Variants in PLPP1 observed in about 807,000 individuals in gnomAD.
The protein encoded by PLPP1 is lipid phosphate phosphohydrolase 1a.
Under a neutral mutation model 31.2 loss-of-function variants are expected in PLPP1, and 24 were observed. The observed-to-expected ratio is 0.77, with a 90% CI of 0.56 to 1.08. The LOEUF (loss-of-function observed/expected upper bound fraction) is 1.08, where lower values mean the gene tolerates loss of function less well. Ranked by LOEUF, PLPP1 falls within the 50% of genes least tolerant of loss-of-function variation. The pLI is 0.00. For missense variants in PLPP1, 319 were observed against 342.7 expected, an observed-to-expected ratio of 0.93 and a Z score of 0.55; for synonymous variants, 146 against 126.3, an observed-to-expected ratio of 1.16 and a Z score of -1.05.
chr5:55,473,995 T>TTTTTGTTTC (rs1360136914), intron 2 of PLPP1, among the ~76,000 whole-genome samples: 2 of 4,084 alleles, frequency 4.9e-4, no homozygotes, highest in Non-Finnish European at 2.7e-3. Context: ...TGTTTGTTTG[T>TTTTTGTTTC]TGTTTTTTTT....
intron 4 of PLPP1, among the ~76,000 whole-genome samples, chr5:55,428,056 G>A (rs1751255001): frequency 1.3e-5 from 2 of 152,022 alleles, no homozygotes; most frequent in Non-Finnish European, 2.9e-5. Context: ...CAAAGTGCTG[G>A]GATTACAGGC....
intron 1 of PLPP1, among the ~76,000 whole-genome samples, chr5:55,495,525 T>A (rs772566763): frequency 1.3e-5 from 2 of 152,010 alleles, no homozygotes; most frequent in South Asian, 4.1e-4. Context: ...ATCTAATATA[T>A]CAAATGCTAA....
At chr5:55,529,521 A>T (rs1240037742) in intron 1 of PLPP1, among the ~76,000 whole-genome samples, 2 of 152,100 alleles carry the variant, frequency 1.3e-5, no homozygotes, top group Non-Finnish European at 2.9e-5. Context: ...AAAGAAATAA[A>T]TTTTTCTCTC....
intron 2 of PLPP1, among the ~76,000 whole-genome samples, chr5:55,474,413 T>C (rs1346979305): frequency 1.3e-5 from 2 of 152,204 alleles, no homozygotes; most frequent in African/African-American, 2.4e-5. Context: ...ACAAAACTGT[T>C]AAGTTACAGA....
At chr5:55,464,745 A>C (rs1221340983) in intron 3 of PLPP1, among the ~76,000 whole-genome samples, 1 of 152,214 alleles carries the variant, frequency 6.6e-6, no homozygotes, top group Non-Finnish European at 1.5e-5. Context: ...GATTCCTTTT[A>C]TATAATACTC....
At chr5:55,447,402 T>C (rs185415137) in intron 3 of PLPP1, among the ~76,000 whole-genome samples, 43 of 152,358 alleles carry the variant, frequency 2.8e-4, no homozygotes, top group African/African-American at 9.9e-4. Context: ...CCCCTAAAAA[T>C]CATCCTGAAA....
chr5:55,429,494 G>A (rs141984129), intron 4 of PLPP1, among the ~76,000 whole-genome samples: 4 of 152,132 alleles, frequency 2.6e-5, no homozygotes, highest in South Asian at 2.1e-4. Context: ...GTCAGCATCC[G>A]CATTCCCATT....
At chr5:55,511,644 TGTTGA>T (rs1753411232) in intron 1 of PLPP1, among the ~76,000 whole-genome samples, 2 of 140,406 alleles carry the variant, frequency 1.4e-5, no homozygotes, top group Non-Finnish European at 3.1e-5. Context: ...ATTTAACACG[TGTTGA>T]GTTTTTTTTT....
chr5:55,476,442 C>A (rs1752553461), intron 1 of PLPP1, among the ~76,000 whole-genome samples: 2 of 152,084 alleles, frequency 1.3e-5, no homozygotes, highest in Non-Finnish European at 2.9e-5. Context: ...CCTAAAACGC[C>A]AAATTTTTGC....
chr5:55,481,467 A>T (rs1255728333), intron 1 of PLPP1, among the ~76,000 whole-genome samples: 1 of 152,152 alleles, frequency 6.6e-6, no homozygotes, highest in Non-Finnish European at 1.5e-5. Flanking sequence ...CACAGTAGCA[A>T]ATCACTAAGG....
intron 2 of PLPP1, among the ~76,000 whole-genome samples, chr5:55,471,953 C>G (rs1752424670): frequency 4.8e-5 from 2 of 41,654 alleles, no homozygotes; most frequent in African/African-American, 1.1e-4. Context: ...AGATAGTTAT[C>G]TCTTTAAAAA....
At chr5:55,429,392 G>T (rs1421755590) in intron 4 of PLPP1, among the ~76,000 whole-genome samples, 1 of 152,090 alleles carries the variant, frequency 6.6e-6, no homozygotes, top group Non-Finnish European at 1.5e-5. Context: ...AACACCTGAG[G>T]CAAGTAAGGA....
intron 1 of PLPP1, among the ~76,000 whole-genome samples, chr5:55,533,780 G>A (rs1441166264): frequency 1.3e-5 from 2 of 152,098 alleles, no homozygotes; most frequent in Admixed American, 1.3e-4. Flanking sequence ...TCCTTCCAAC[G>A]CCCATCCCTT....
chr5:55,524,816 A>C (rs1205561324), intron 1 of PLPP1, among the ~76,000 whole-genome samples: 2 of 152,066 alleles, frequency 1.3e-5, no homozygotes, highest in African/African-American at 2.4e-5. Context: ...GTCCCCCCCC[A>C]AAAAAAAGTT....
rs1335586948 is a variant in PLPP1 at position 55,468,060 on chromosome 5, T to A, written c.300A>T (p.Lys100Asn). 6.2e-7 allele frequency: 1 copy of A among 1,614,168 alleles called. No individual in the cohort carries two copies. The highest frequency in any genetic ancestry group is 1.7e-5 in the Admixed American group (1 of 60,022). ...IRNNYIATIYKAIGTFLFGAA... is the reference protein window; with the variant it reads ...IRNNYIATIYNAIGTFLFGAA... ...CACCAAATAAAAAGGTTCCAATGGCTTTGTAAATAGTGGCTATGTAGTTAT... is the reference window on the plus strand; with the variant it reads ...CACCAAATAAAAAGGTTCCAATGGCATTGTAAATAGTGGCTATGTAGTTAT... The change falls in exon 3 of 6, where the codon AAA becomes AAT. Residue 100 changes from lysine (K) to asparagine (N), a missense_variant. Transcript: ENST00000307259.
At chr5:55,506,262 C>G (rs1474082715) in intron 1 of PLPP1, among the ~76,000 whole-genome samples, 1 of 66,438 alleles carries the variant, frequency 1.5e-5, no homozygotes, top group African/African-American at 5.2e-5. Flanking sequence ...CAGCAAATTA[C>G]TAAAAAAAAA....
chr5:55,454,684 T>G (rs796169213), intron 3 of PLPP1, among the ~76,000 whole-genome samples: 2 of 152,206 alleles, frequency 1.3e-5, no homozygotes, highest in African/African-American at 4.8e-5. Context: ...TTAAATACAA[T>G]AATAATATCC....
chr5:55,530,946 C>CGGCCGA (rs1184362222), intron 1 of PLPP1, among the ~76,000 whole-genome samples: 1 of 152,150 alleles, frequency 6.6e-6, no homozygotes, highest in Non-Finnish European at 1.5e-5. Flanking sequence ...ACAGCGGCAG[C>CGGCCGA]GGCCGAGGTG....
intron 1 of PLPP1, among the ~76,000 whole-genome samples, chr5:55,493,928 C>T (rs928377984): frequency 6.6e-6 from 1 of 151,718 alleles, no homozygotes; most frequent in Non-Finnish European, 1.5e-5. Context: ...CACCTATAGT[C>T]CAGACATTTG....
Sources: gnomAD v4.1 joint callset for allele counts (sites outside exome capture counted in the v4.1 genomes callset) on GRCh38, gnomAD v4.1.1 for gene constraint, MANE v1.5 for transcripts, NCBI Gene and HGNC (gene_info 2026-07-23, HGNC 2026-07-21) for gene names.